DPP10: variants seen among roughly 807,000 people sequenced by gnomAD.
DPP10 encodes inactive dipeptidyl peptidase 10.
Under a neutral mutation model 120.9 loss-of-function variants are expected in DPP10, and 33 were observed. That is an observed-to-expected ratio of 0.27 (90% CI 0.21 to 0.37). The LOEUF (loss-of-function observed/expected upper bound fraction) is 0.37. Ranked by LOEUF, DPP10 falls within the 10% of genes least tolerant of loss-of-function variation. The pLI is 1.00. For missense variants in DPP10, 816 were observed against 942.8 expected (o/e 0.87, Z 1.76); for synonymous variants, 337 against 326.1 (o/e 1.03, Z -0.36).
At chr2:115,325,476 A>G (rs2062306105) in intron 2 of DPP10, among the ~76,000 whole-genome samples, 2 of 152,310 alleles carry the variant, frequency 1.3e-5, no homozygotes, top group South Asian at 4.1e-4. Context: ...GAAATGTGGA[A>G]AAACATAAAC....
At chr2:115,715,339 C>CAAAAAAAAAAAAAAA (rs546857779) in intron 7 of DPP10, among the ~76,000 whole-genome samples, 9 of 67,650 alleles carry the variant, frequency 1.3e-4, no homozygotes, top group African/African-American at 3.5e-4. Flanking sequence ...AACTCCGTCT[C>CAAAAAAAAAAAAAAA]AAAAAAAAAA....
At chr2:115,376,682 C>A (rs543345009) in intron 3 of DPP10, among the ~76,000 whole-genome samples, 216 of 149,244 alleles carry the variant, frequency 1.4e-3, no homozygotes, top group African/African-American at 5.1e-3. Flanking sequence ...GGTATATCTC[C>A]CAATGCTATC....
chr2:114,922,791 C>A (rs763433480), intron 1 of DPP10, among the ~76,000 whole-genome samples: 17 of 152,070 alleles, frequency 1.1e-4, no homozygotes, highest in Non-Finnish European at 2.1e-4. Context: ...ATCCATTAAT[C>A]AGTTGATGGA....
At chr2:115,362,209 A>C (rs2064824061) in intron 3 of DPP10, among the ~76,000 whole-genome samples, 1 of 152,170 alleles carries the variant, frequency 6.6e-6, no homozygotes, top group South Asian at 2.1e-4. Context: ...TGTCTTTAGC[A>C]AGGAAATTTC....
At chr2:114,490,795 G>T (rs1018551793) in intron 1 of DPP10, among the ~76,000 whole-genome samples, 3 of 151,710 alleles carry the variant, frequency 2.0e-5, no homozygotes, top group African/African-American at 7.3e-5. Context: ...TGGGGGCGGG[G>T]GGTAATGTGA....
At chr2:115,402,854 A>AAAAAAAATAT (rs1476901026) in intron 3 of DPP10, among the ~76,000 whole-genome samples, 5 of 97,668 alleles carry the variant, frequency 5.1e-5, no homozygotes, top group African/African-American at 2.0e-4. Context: ...AAAAAAAAAA[A>AAAAAAAATAT]ATATATATAT....
chr2:115,354,801 T>G (rs1574532559), intron 3 of DPP10, among the ~76,000 whole-genome samples: 1 of 151,962 alleles, frequency 6.6e-6, no homozygotes, highest in East Asian at 1.9e-4. Context: ...ACATGTGGTG[T>G]TTGGTTTTCT....
chr2:115,407,210 C>T lies in DPP10; in HGVS notation c.271+63298C>T, dbSNP rs151208582. ...TGGGCATTATTCAGAAATAATCAGT[C>T]AGGAAAAGGGAAGGCTTCATCTGGG... On this transcript the variant is annotated intron_variant, in intron 3 of 25. Transcript: ENST00000410059. Among the ~76,000 whole-genome samples, 305 of 152,280 alleles carry T rather than the reference C, an allele frequency of 2.0e-3. 1 individual carries two copies. The highest frequency in any genetic ancestry group is 0.014 in the Middle Eastern group (4 of 294).
chr2:114,963,248 A>T (rs1698778431), intron 1 of DPP10, among the ~76,000 whole-genome samples: 1 of 152,210 alleles, frequency 6.6e-6, no homozygotes, highest in Admixed American at 6.5e-5. Context: ...CAGGGACGTT[A>T]AAGTTTAAAA....
intron 1 of DPP10, among the ~76,000 whole-genome samples, chr2:114,575,811 T>C (rs79187849): frequency 0.012 from 1,784 of 152,234 alleles, 38 homozygotes; most frequent in African/African-American, 0.04. Context: ...ATCACCCTCA[T>C]TGGGTTCAGG....
intron 1 of DPP10, among the ~76,000 whole-genome samples, chr2:114,497,623 A>G (rs957953815): frequency 2.6e-5 from 4 of 152,142 alleles, no homozygotes; most frequent in Non-Finnish European, 5.9e-5. Flanking sequence ...TTCTCATTTA[A>G]TAATCCCAAC....
chr2:115,657,876 T>C (rs1244233989), intron 5 of DPP10, among the ~76,000 whole-genome samples: 1 of 151,864 alleles, frequency 6.6e-6, no homozygotes, highest in Non-Finnish European at 1.5e-5. Flanking sequence ...AAAATAAATA[T>C]TTGTCTATGT....
chr2:115,263,405 A>C (rs2059334027), intron 1 of DPP10, among the ~76,000 whole-genome samples: 1 of 152,212 alleles, frequency 6.6e-6, no homozygotes, highest in African/African-American at 2.4e-5. Context: ...CTTTTTATTT[A>C]AAATTCTGAC....
At chr2:115,563,835 G>A (rs1321998768) in intron 5 of DPP10, among the ~76,000 whole-genome samples, 1 of 152,114 alleles carries the variant, frequency 6.6e-6, no homozygotes, top group East Asian at 1.9e-4. Flanking sequence ...CCCAAGAGCT[G>A]GAAGAAGAGA....
chr2:114,939,934 A>G lies in DPP10; in HGVS notation c.61-369305A>G, dbSNP rs1305734836. On this transcript the variant is annotated intron_variant, in intron 1 of 25. Transcript: ENST00000410059. ...TACCAAAATTTTCTAGAACACATTT[A>G]TTGCACAATTGAAGCCTGTTAGTCT... Among the ~76,000 whole-genome samples the G allele has an allele frequency of 2.0e-5, 3 of 152,294 alleles. No individual in the cohort carries two copies. The East Asian group carries it at 5.8e-4, about 29-fold the overall frequency.
chr2:115,326,244 A>G (rs1167410807), intron 2 of DPP10, among the ~76,000 whole-genome samples: 1 of 151,986 alleles, frequency 6.6e-6, no homozygotes, highest in African/African-American at 2.4e-5. Context: ...GTCCCATTTG[A>G]TTGTAATTCA....
intron 5 of DPP10, among the ~76,000 whole-genome samples, chr2:115,598,184 G>T (rs187345606): frequency 1.7e-4 from 26 of 151,324 alleles, no homozygotes; most frequent in African/African-American, 6.0e-4. Flanking sequence ...GGGGTCTTAT[G>T]GGCCTTTTTT....
chr2:115,060,235 A>G (rs981949702), intron 1 of DPP10, among the ~76,000 whole-genome samples: 1 of 149,320 alleles, frequency 6.7e-6, no homozygotes, highest in Non-Finnish European at 1.5e-5. Flanking sequence ...TATAGTATAT[A>G]TAAAGAAATA....
intron 1 of DPP10, among the ~76,000 whole-genome samples, chr2:114,812,854 G>T (rs1685301315): frequency 6.6e-6 from 1 of 152,072 alleles, no homozygotes; most frequent in Non-Finnish European, 1.5e-5. Context: ...ATGGTTTTGG[G>T]GTTACATAGG....
Sources: gnomAD v4.1 joint callset for allele counts (sites outside exome capture counted in the v4.1 genomes callset) on GRCh38, gnomAD v4.1.1 for gene constraint, MANE v1.5 for transcripts, NCBI Gene and HGNC (gene_info 2026-07-23, HGNC 2026-07-21) for gene names.